The following DLG2 variants were observed in gnomAD, a reference collection of about 807,000 sequenced individuals.
The protein encoded by DLG2 is disks large homolog 2.
In DLG2, 45 loss-of-function variants were observed where a neutral mutation model predicts 132.5. The ratio of observed to expected loss-of-function variants is 0.34; its 90% CI spans 0.27 to 0.44. DLG2 has a LOEUF of 0.44. Ranked by LOEUF, DLG2 falls within the 20% of genes least tolerant of loss-of-function variation. DLG2 has a pLI of 1.00. For synonymous variants in DLG2, 424 were observed against 419.6 expected (o/e 1.01, Z -0.13); for missense variants, 1,045 against 1,196.9 (o/e 0.87, Z 1.87).
At chr11:83,969,220 G>A (rs2090853351) in intron 12 of DLG2, among the ~76,000 whole-genome samples, 1 of 152,068 alleles carries the variant, frequency 6.6e-6, no homozygotes, top group Admixed American at 6.6e-5. Flanking sequence ...CTCCTTACGA[G>A]ATGAAAATGA....
At chr11:83,631,543 T>C (rs2063560024) in intron 19 of DLG2, 1 of 152,160 alleles carries the variant, frequency 6.6e-6, no homozygotes, top group Non-Finnish European at 1.5e-5. Context: ...CTTTTATTTA[T>C]GATTTTAGAG....
intron 3 of DLG2, among the ~76,000 whole-genome samples, chr11:85,322,774 C>A (rs1253584796): frequency 6.6e-6 from 1 of 152,154 alleles, no homozygotes; most frequent in African/African-American, 2.4e-5. Flanking sequence ...ACTTCCCCCT[C>A]TCCAATCAAT....
At chr11:85,099,309 T>C (rs939390041) in intron 6 of DLG2, among the ~76,000 whole-genome samples, 4 of 152,122 alleles carry the variant, frequency 2.6e-5, no homozygotes, top group Non-Finnish European at 1.5e-5. Context: ...AGTCTGAGCA[T>C]AGTATGAGCA....
intron 3 of DLG2, among the ~76,000 whole-genome samples, chr11:85,387,719 T>C (rs1013077770): frequency 1.3e-5 from 2 of 152,206 alleles, no homozygotes; most frequent in Non-Finnish European, 2.9e-5. Flanking sequence ...GCCAGTAATA[T>C]TTGAAGAGGG....
intron 7 of DLG2, among the ~76,000 whole-genome samples, chr11:84,298,841 G>A (rs1428217287): frequency 6.6e-6 from 1 of 152,188 alleles, no homozygotes; most frequent in Non-Finnish European, 1.5e-5. Context: ...GGGAATCAGA[G>A]AACAGTGAAT....
rs982199386 is a variant in DLG2, at chr11:83,871,642, G to A, written c.1565+2778C>T. On this transcript the variant is annotated intron_variant, in intron 16 of 27. Transcript: ENST00000376104. ...AAAATAACTTTCCCACTATGTGCACGTTATCTCTTCATCTGACAACCAGCT... is the reference window on the plus strand; with the variant it reads ...AAAATAACTTTCCCACTATGTGCACATTATCTCTTCATCTGACAACCAGCT... Among the ~76,000 whole-genome samples, 19 of 21,076 alleles carry A rather than the reference G, an allele frequency of 9.0e-4. No homozygotes were observed. The South Asian group carries it at 0.015, about 16-fold the overall frequency. The allele number at this position is 21,076 out of a possible 152,430, so 13.8% of individuals were successfully genotyped here. A position where few individuals can be genotyped will look rare whatever the true frequency, so the allele number is the denominator to read the frequency against.
At chr11:84,069,273 A>G (rs1308196609) in intron 10 of DLG2, among the ~76,000 whole-genome samples, 1 of 152,196 alleles carries the variant, frequency 6.6e-6, no homozygotes, top group African/African-American at 2.4e-5. Flanking sequence ...TCATTCCAAA[A>G]TAAACAGAAA....
At chr11:84,935,202 C>T (rs2154093740) in intron 6 of DLG2, among the ~76,000 whole-genome samples, 1 of 152,280 alleles carries the variant, frequency 6.6e-6, no homozygotes, top group Non-Finnish European at 1.5e-5. Flanking sequence ...AGTAATTATC[C>T]ATATTCTTGA....
intron 15 of DLG2, among the ~76,000 whole-genome samples, chr11:83,895,729 A>G (rs1208810007): frequency 1.3e-5 from 2 of 152,184 alleles, no homozygotes; most frequent in Non-Finnish European, 2.9e-5. Context: ...AGATTCAGGA[A>G]AAGAATTTGC....
intron 21 of DLG2, among the ~76,000 whole-genome samples, chr11:83,532,399 A>G (rs1219507266): frequency 6.6e-6 from 1 of 152,108 alleles, no homozygotes; most frequent in African/African-American, 2.4e-5. Flanking sequence ...ATTAATTTAA[A>G]AGGAAAAAAC....
At chr11:85,550,957 T>C (rs2076628425) in intron 3 of DLG2, among the ~76,000 whole-genome samples, 1 of 152,206 alleles carries the variant, frequency 6.6e-6, no homozygotes, top group Non-Finnish European at 1.5e-5. Flanking sequence ...GAAACAATTG[T>C]GTCTAACAGT....
chr11:85,002,721 G>A (rs577762950), intron 6 of DLG2, among the ~76,000 whole-genome samples: 2 of 152,002 alleles, frequency 1.3e-5, no homozygotes, highest in South Asian at 4.1e-4. Context: ...CACTTACATG[G>A]GGATTTTGTT....
chr11:84,242,350 T>C (rs775281389), intron 8 of DLG2, among the ~76,000 whole-genome samples: 1 of 152,108 alleles, frequency 6.6e-6, no homozygotes, highest in Non-Finnish European at 1.5e-5. Flanking sequence ...TGTTGGTTTT[T>C]TTTTGTTTTT....
intron 18 of DLG2, among the ~76,000 whole-genome samples, chr11:83,750,663 T>G (rs2093245220): frequency 6.6e-6 from 1 of 152,190 alleles, no homozygotes; most frequent in Admixed American, 6.5e-5. Context: ...CTATGAAAAC[T>G]GCTGATGTAC....
At chr11:84,117,247 A>G (rs2093678021) in intron 9 of DLG2, among the ~76,000 whole-genome samples, 1 of 152,110 alleles carries the variant, frequency 6.6e-6, no homozygotes, top group South Asian at 2.1e-4. Context: ...GTATATGTGT[A>G]TTTGCCTTAT....
At chr11:84,884,293 T>C (rs1470142385) in intron 6 of DLG2, among the ~76,000 whole-genome samples, 1 of 151,752 alleles carries the variant, frequency 6.6e-6, no homozygotes, top group Non-Finnish European at 1.5e-5. Flanking sequence ...CTTTAGGCTA[T>C]GAGGTCTTAG....
intron 6 of DLG2, among the ~76,000 whole-genome samples, chr11:84,711,746 A>G (rs2060478372): frequency 6.6e-6 from 1 of 151,978 alleles, no homozygotes. Context: ...CACCCACATT[A>G]GGGAGGACAA....
At chr11:83,932,415 T>A (rs1397456016) in intron 14 of DLG2, among the ~76,000 whole-genome samples, 1 of 151,984 alleles carries the variant, frequency 6.6e-6, no homozygotes, top group East Asian at 1.9e-4. Flanking sequence ...TTTGTATTTT[T>A]AGTAGAGATG....
intron 7 of DLG2, among the ~76,000 whole-genome samples, chr11:84,467,396 TG>T (rs2099097300): frequency 6.6e-6 from 1 of 151,310 alleles, no homozygotes; most frequent in Admixed American, 6.6e-5. Context: ...ATAGAAAAAA[TG>T]CCATGTAGAA....
Sources: allele counts gnomAD v4.1 joint callset (sites outside exome capture counted in the v4.1 genomes callset), GRCh38; gene constraint gnomAD v4.1.1; transcripts MANE v1.5; gene names NCBI Gene and HGNC (gene_info 2026-07-23, HGNC 2026-07-21).